The following NSD3 variants were observed in gnomAD, a reference collection of about 807,000 sequenced individuals.
The protein encoded by NSD3 is histone-lysine N-methyltransferase NSD3.
In NSD3, 24 loss-of-function variants were observed where a neutral mutation model predicts 160.8. The observed-to-expected ratio is 0.15, with a 90% CI of 0.11 to 0.21. The LOEUF is 0.21. Ranked by LOEUF, NSD3 falls within the 10% of genes least tolerant of loss-of-function variation. The probability of loss-of-function intolerance (pLI) is 1.00; values close to 1 mark genes in which losing one functional copy is unlikely to be tolerated. For synonymous variants in NSD3, 520 were observed against 600.0 expected (o/e 0.87, Z 1.95); for missense variants, 1,157 against 1,735.9 (o/e 0.67, Z 5.93).
chr8:38,331,653 G>T, intron 4 of NSD3, 68 bp from the exon 5 acceptor site: 8 of 1,544,732 alleles, frequency 5.2e-6, no homozygotes, highest in Non-Finnish European at 7.0e-6. Context: ...CCAAAAATGG[G>T]AATCTAACCC....
chr8:38,320,373 A>G (rs1022834938), intron 8 of NSD3: 2 of 152,164 alleles, frequency 1.3e-5, no homozygotes, highest in African/African-American at 4.8e-5. Flanking sequence ...TAACAAAAAA[A>G]TTAAGAAAAA....
intron 13 of NSD3, 137 bp downstream of exon 13, chr8:38,305,110 AT>A: frequency 1.2e-6 from 1 of 830,626 alleles, no homozygotes. Flanking sequence ...TGTACTGTGT[AT>A]GTACTGTGGC....
chr8:38,304,782 A>C (rs754639946), intron 13 of NSD3, 25 bp from the exon 14 acceptor site: 5 of 1,578,938 alleles, frequency 3.2e-6, no homozygotes, highest in Non-Finnish European at 4.3e-6. Flanking sequence ...GTCAAAAAGG[A>C]ATCTAATAAG....
intron 12 of NSD3, among the ~76,000 whole-genome samples, chr8:38,312,093 T>A (rs1809548391): frequency 6.6e-6 from 1 of 152,216 alleles, no homozygotes; most frequent in South Asian, 2.1e-4. Context: ...CAAAAATCAT[T>A]TGACCATATA....
At chr8:38,381,264 T>G (rs1193365963) in intron 1 of NSD3, among the ~76,000 whole-genome samples, 1 of 151,954 alleles carries the variant, frequency 6.6e-6, no homozygotes, top group African/African-American at 2.4e-5. Context: ...GCCTGCCTCA[T>G]CCCCTTTCCT....
chr8:38,315,150 T>A (rs1226625898), intron 11 of NSD3, among the ~76,000 whole-genome samples: 1 of 152,202 alleles, frequency 6.6e-6, no homozygotes, highest in Non-Finnish European at 1.5e-5. Flanking sequence ...TACTTTAAAA[T>A]TTTGAATTTA....
chr8:38,373,934 C>T (rs866386539), intron 1 of NSD3, among the ~76,000 whole-genome samples: 9 of 25,138 alleles, frequency 3.6e-4, no homozygotes, highest in South Asian at 2.1e-3. Flanking sequence ...TCTGTCTCTA[C>T]AAAAAAAAAA....
chr8:38,373,060 AAAAG>A (rs1263492951), intron 1 of NSD3, among the ~76,000 whole-genome samples: 5 of 151,736 alleles, frequency 3.3e-5, no homozygotes, highest in African/African-American at 7.2e-5. Context: ...AAAAAAAAAA[AAAAG>A]AAAGAAAGAA....
intron 1 of NSD3, among the ~76,000 whole-genome samples, chr8:38,372,598 GC>G (rs1314067884): frequency 6.6e-6 from 1 of 150,518 alleles, no homozygotes; most frequent in African/African-American, 2.4e-5. Context: ...CCGGGTTCAA[GC>G]GATTCTCCTG....
intron 20 of NSD3, among the ~76,000 whole-genome samples, chr8:38,280,831 C>T (rs1271254929): frequency 6.6e-6 from 1 of 151,482 alleles, no homozygotes; most frequent in Non-Finnish European, 1.5e-5. Context: ...CAGTTCACTA[C>T]AGCCTTGACC....
intron 1 of NSD3, among the ~76,000 whole-genome samples, chr8:38,352,684 C>T (rs1184167825): frequency 3.3e-5 from 5 of 151,942 alleles, no homozygotes; most frequent in African/African-American, 1.2e-4. Context: ...CACAGCTCAC[C>T]GCAGCCTTGA....
intron 20 of NSD3, 114 bp from the exon 21 acceptor site, chr8:38,279,795 CT>C: frequency 8.4e-7 from 1 of 1,184,310 alleles, no homozygotes; most frequent in Non-Finnish European, 1.2e-6. Flanking sequence ...TGTTTGACAA[CT>C]GACAGATCAG....
chr8:38,290,290 G>A (rs1808972143), intron 17 of NSD3, among the ~76,000 whole-genome samples, 185 bp downstream of exon 17: 1 of 152,100 alleles, frequency 6.6e-6, no homozygotes, highest in East Asian at 1.9e-4. Flanking sequence ...CAAATACACA[G>A]CACAGTCTAC....
At chr8:38,289,054 G>C (rs1405761929) in intron 18 of NSD3, among the ~76,000 whole-genome samples, 1 of 152,174 alleles carries the variant, frequency 6.6e-6, no homozygotes, top group Non-Finnish European at 1.5e-5. Context: ...CTGAAATAAA[G>C]GGAGTAAACA....
chr8:38,281,652 G>A, intron 19 of NSD3, 69 bp from the exon 20 acceptor site: 7 of 908,222 alleles, frequency 7.7e-6, no homozygotes, highest in South Asian at 2.2e-5. Flanking sequence ...AATGACACAT[G>A]TATAACCCAA....
intron 1 of NSD3, among the ~76,000 whole-genome samples, chr8:38,378,664 A>C (rs932128871): frequency 1.1e-4 from 17 of 151,892 alleles, no homozygotes; most frequent in Non-Finnish European, 1.9e-4. Context: ...AAAACAAAAA[A>C]ACACAAAAAT....
At chr8:38,332,428 C>T (rs754561512) in intron 4 of NSD3, among the ~76,000 whole-genome samples, 3 of 152,144 alleles carry the variant, frequency 2.0e-5, no homozygotes, top group Non-Finnish European at 4.4e-5. Context: ...TGAGCCACTG[C>T]GCCTGCATCT....
At chr8:38,323,955 C>A (rs1319439971) in intron 7 of NSD3, among the ~76,000 whole-genome samples, 1 of 151,934 alleles carries the variant, frequency 6.6e-6, no homozygotes, top group African/African-American at 2.4e-5. Context: ...CCTTAGGAAA[C>A]TGCTGATTTC....
At chr8:38,372,512 T>G (rs1437066852) in intron 1 of NSD3, among the ~76,000 whole-genome samples, 1 of 150,668 alleles carries the variant, frequency 6.6e-6, no homozygotes, top group African/African-American at 2.4e-5. Context: ...TTTTTTTTTT[T>G]GAGACACAGT....
Sources: allele counts gnomAD v4.1 joint callset (sites outside exome capture counted in the v4.1 genomes callset), GRCh38; gene constraint gnomAD v4.1.1; transcripts MANE v1.5; gene names NCBI Gene and HGNC (gene_info 2026-07-23, HGNC 2026-07-21).